SFSWAP: variants seen among roughly 807,000 people sequenced by gnomAD.
The protein encoded by SFSWAP is splicing factor SWAP.
Under a neutral mutation model 100.7 loss-of-function variants are expected in SFSWAP, and 17 were observed. That is an observed-to-expected ratio of 0.17 (90% CI 0.12 to 0.25). The LOEUF (loss-of-function observed/expected upper bound fraction) is 0.25, where lower values mean the gene tolerates loss of function less well. Among genes scored for constraint, SFSWAP ranks in the 10% least tolerant of loss-of-function variants. SFSWAP has a pLI of 1.00. For synonymous variants in SFSWAP, 504 were observed against 510.1 expected, an observed-to-expected ratio of 0.99 and a Z score of 0.16; for missense variants, 1,005 against 1,262.6, an observed-to-expected ratio of 0.80 and a Z score of 3.09.
intron 7 of SFSWAP, among the ~76,000 whole-genome samples, chr12:131,747,085 CAG>C (rs1272632101): frequency 1.5e-5 from 2 of 134,406 alleles, no homozygotes; most frequent in Non-Finnish European, 3.1e-5. Flanking sequence ...GCCTGGGCAA[CAG>C]AGCGAGACTC....
At chr12:131,773,944 C>T (rs941401503) in intron 13 of SFSWAP, among the ~76,000 whole-genome samples, 4 of 152,084 alleles carry the variant, frequency 2.6e-5, no homozygotes, top group African/African-American at 9.7e-5. Flanking sequence ...TGAGGGCCCA[C>T]GAGGGCCAAA....
chr12:131,737,538 C>A (rs1294538683), intron 7 of SFSWAP, among the ~76,000 whole-genome samples: 1 of 152,132 alleles, frequency 6.6e-6, no homozygotes, highest in Non-Finnish European at 1.5e-5. Context: ...CATTTTGTTT[C>A]ATCAGCTCAG....
chr12:131,799,307 C>G, intron 17 of SFSWAP, 116 bp from the exon 18 acceptor site: 2 of 1,191,382 alleles, frequency 1.7e-6, no homozygotes, highest in Non-Finnish European at 2.5e-6. Context: ...CCTCCGCCGC[C>G]CCCACGGTGC....
intron 16 of SFSWAP, 94 bp from the exon 17 acceptor site, chr12:131,798,943 A>C: frequency 1.2e-6 from 1 of 856,346 alleles, no homozygotes; most frequent in Non-Finnish European, 2.0e-6. Context: ...TCTCAGTTCT[A>C]GAGTTGGGGT....
In SFSWAP at chr12:131,766,258, C is replaced by T. The variant is rs774546444; in HGVS notation, c.2092C>T (p.Leu698=). ...ALFLQTLKNP[L]PEAEAGKIEE... ...ATTTTTACAGACCCTCAAAAATCCTCTGCCGGAAGCAGAAGCTGGGAAAAT... is the reference window on the plus strand; with the variant it reads ...ATTTTTACAGACCCTCAAAAATCCTTTGCCGGAAGCAGAAGCTGGGAAAAT... Residue 698 remains leucine, a synonymous_variant, in exon 13 of 18, where the codon CTG becomes TTG. Coordinates refer to ENST00000261674, the MANE Select transcript of SFSWAP (RefSeq NM_004592.4). 9.3e-6 allele frequency: 15 copies of T among 1,614,060 alleles called. 1 individual carries two copies. In the South Asian group the frequency reaches 9.9e-5, roughly 11 times the overall value.
intron 13 of SFSWAP, among the ~76,000 whole-genome samples, chr12:131,772,655 C>T (rs1177297373): frequency 6.6e-6 from 1 of 152,186 alleles, no homozygotes; most frequent in Non-Finnish European, 1.5e-5. Flanking sequence ...TATTACAATG[C>T]TCTTTTAGCT....
intron 15 of SFSWAP, among the ~76,000 whole-genome samples, chr12:131,795,865 G>A (rs897445943): frequency 5.3e-5 from 8 of 150,614 alleles, no homozygotes; most frequent in Non-Finnish European, 8.9e-5. Flanking sequence ...GATAACGAGC[G>A]TGAGGCTGAG....
Position 131,781,383 on chromosome 12 carries a change from G to A in SFSWAP, c.2408+3053G>A, listed in dbSNP as rs556831842. Among the ~76,000 whole-genome samples, 289 of 151,602 alleles carry A rather than the reference G, an allele frequency of 1.9e-3. 4 individuals carry two copies. Among genetic ancestry groups the A allele is most frequent in the African/African-American group, 6.7e-3 (276 of 41,356 alleles). On this transcript the variant is annotated intron_variant, in intron 14 of 17. Transcript: ENST00000261674. Reference sequence around the variant, plus strand: ...CTCCCGAGTAGCTGGGACTACAGGCGCCCGCCACCTCGCCCGGCTAATTTT... The same window carrying A: ...CTCCCGAGTAGCTGGGACTACAGGCACCCGCCACCTCGCCCGGCTAATTTT...
At chr12:131,768,987 C>A (rs936726336) in intron 13 of SFSWAP, among the ~76,000 whole-genome samples, 3 of 152,004 alleles carry the variant, frequency 2.0e-5, no homozygotes, top group Non-Finnish European at 4.4e-5. Flanking sequence ...ATTAGCCGAG[C>A]GTGGTGGAGC....
intron 15 of SFSWAP, among the ~76,000 whole-genome samples, chr12:131,786,812 C>T (rs905910804): frequency 6.6e-6 from 1 of 152,138 alleles, no homozygotes; most frequent in African/African-American, 2.4e-5. Flanking sequence ...CCCACCGGGG[C>T]TCTGCACGGC....
intron 7 of SFSWAP, among the ~76,000 whole-genome samples, chr12:131,747,103 CA>C (rs398021689): frequency 2.3e-3 from 220 of 96,808 alleles, no homozygotes; most frequent in East Asian, 4.6e-3. Context: ...GACTCTGTCT[CA>C]AAAAAAAAAA....
intron 7 of SFSWAP, among the ~76,000 whole-genome samples, chr12:131,732,723 A>G (rs913051236): frequency 3.3e-5 from 5 of 152,190 alleles, no homozygotes; most frequent in African/African-American, 1.2e-4. Flanking sequence ...CTGGGCATGC[A>G]TAGCTTTGTT....
Position 131,778,428 on chromosome 12 carries a change from C to G in SFSWAP, c.2408+98C>G. The stretch of plus-strand genomic sequence containing the variant: ...TAGGTAGAACGTTTAAAATCAGTGC[C>G]GCTTTCATTAAGCAGACGCGTGTAT... On this transcript the variant is annotated intron_variant, in intron 14 of 17. Coordinates refer to ENST00000261674, the MANE Select transcript of SFSWAP (RefSeq NM_004592.4). The surrounding 1 kb of genome is among the most constrained non-coding windows in gnomAD (Gnocchi z 4.2). The G allele has an allele frequency of 6.6e-7, 1 of 1,522,284 alleles. No individual in the cohort carries two copies. The allele number at this position is 1,522,284 out of a possible 1,614,324, so 94.3% of individuals were successfully genotyped here.
rs115076178 is a variant in SFSWAP at position 131,734,192 on chromosome 12, G to A, written c.1081+5764G>A. Among the ~76,000 whole-genome samples the A allele has an allele frequency of 0.013, 2,017 of 152,318 alleles. 43 individuals are homozygous for A. The highest frequency in any genetic ancestry group is 0.044 in the African/African-American group (1,844 of 41,566). On this transcript the variant is annotated intron_variant, in intron 7 of 17. Transcript: ENST00000261674. This position sits in a 1 kb window ranked among gnomAD's most constrained non-coding sequence, Gnocchi z 4.9. ...AGCGTGTTCATCGCTGGCTCCTGCCGCCCTCGAGGACTTGAAGGCTGACGT... is the reference window on the plus strand; with the variant it reads ...AGCGTGTTCATCGCTGGCTCCTGCCACCCTCGAGGACTTGAAGGCTGACGT...
chr12:131,748,270 T>C (rs1881318999), intron 7 of SFSWAP, among the ~76,000 whole-genome samples: 1 of 148,072 alleles, frequency 6.8e-6, no homozygotes, highest in East Asian at 2.0e-4. Flanking sequence ...CGCTGCAGCC[T>C]CCACCTCCCG....
chr12:131,734,938 C>T lies in SFSWAP; in HGVS notation c.1081+6510C>T, dbSNP rs953950100. 2.0e-5 allele frequency among the ~76,000 whole-genome samples: 3 copies of T among 152,136 alleles called. No individual in the cohort carries two copies. Among genetic ancestry groups the T allele is most frequent in the Non-Finnish European group, 2.9e-5 (2 of 68,034 alleles). On this transcript the variant is annotated intron_variant, in intron 7 of 17. Transcript: ENST00000261674. The surrounding 1 kb of genome is among the most constrained non-coding windows in gnomAD (Gnocchi z 4.9). ...TGGGGCAGTGAGGGGGGGCCCGCTC[C>T]GAGAGACAGACAGGTCAGGCCGGAA...
intron 14 of SFSWAP, among the ~76,000 whole-genome samples, chr12:131,781,301 G>A (rs1047024113): frequency 1.1e-4 from 16 of 146,800 alleles, no homozygotes; most frequent in African/African-American, 3.3e-4. Flanking sequence ...GCAGTGGCGC[G>A]ATCTCTGCTC....
At position 131,779,941 on chromosome 12, in the gene SFSWAP, C is replaced by A. The variant is rs556202120; in HGVS notation, c.2408+1611C>A. Among the ~76,000 whole-genome samples the A allele has an allele frequency of 1.5e-4, 23 of 152,334 alleles. No homozygotes were observed. In the East Asian group the frequency reaches 4.2e-3, roughly 28 times the overall value. ...AGCTGGGATTACAGGCATGTGCCAC[C>A]ACGCCCAGCTAATTTTGTTTTTTTA... On this transcript the variant is annotated intron_variant, in intron 14 of 17. Transcript: ENST00000261674.
At chr12:131,766,577 G>T (rs1344660522) in intron 13 of SFSWAP, among the ~76,000 whole-genome samples, 1 of 152,198 alleles carries the variant, frequency 6.6e-6, no homozygotes, top group Admixed American at 6.5e-5. Context: ...GCCCTTATGG[G>T]GCTGGCAGGA....
Sources: allele counts gnomAD v4.1 joint callset (sites outside exome capture counted in the v4.1 genomes callset), GRCh38; gene constraint gnomAD v4.1.1; non-coding constraint Gnocchi (gnomAD v3.1); transcripts MANE v1.5; gene names NCBI Gene and HGNC (gene_info 2026-07-23, HGNC 2026-07-21).